Variants in UFD1 observed in about 807,000 individuals in gnomAD.
UFD1 encodes the protein ubiquitin recognition factor in ER-associated degradation protein 1.
In UFD1, 13 loss-of-function variants were observed where a neutral mutation model predicts 45.9. That is an observed-to-expected ratio of 0.28 (90% CI 0.18 to 0.45). The LOEUF (loss-of-function observed/expected upper bound fraction) is 0.45, where lower values mean the gene tolerates loss of function less well. Among genes scored for constraint, UFD1 ranks in the 20% least tolerant of loss-of-function variants. The pLI is 1.00. For synonymous variants in UFD1, 128 were observed against 139.2 expected (o/e 0.92, Z 0.56); for missense variants, 218 against 389.2 (o/e 0.56, Z 3.70).
intron 11 of UFD1, chr22:19,453,064 T>C: frequency 2.0e-6 from 2 of 985,450 alleles, no homozygotes; most frequent in Non-Finnish European, 2.4e-6. Flanking sequence ...TGGAAAGCTT[T>C]CTGACTGTGG....
At chr22:19,456,117 C>G (rs148375562) in intron 9 of UFD1, among the ~76,000 whole-genome samples, 1 of 152,346 alleles carries the variant, frequency 6.6e-6, no homozygotes, top group African/African-American at 2.4e-5. Flanking sequence ...ATTCTGCCCT[C>G]TCTGCTGCTT....
rs535936217 is a variant in UFD1 at position 19,476,513 on chromosome 22, G to A, written c.4-911C>T. Among the ~76,000 whole-genome samples, 6 of 152,074 alleles carry A rather than the reference G, an allele frequency of 3.9e-5. No individual in the cohort carries two copies. The East Asian group carries it at 5.8e-4, about 15-fold the overall frequency. Reference sequence around the variant, plus strand: ...TCCTAGATCTTAAACTGTAGACTAAGATGAGGCTTAGCAAACATGTATCAA... The same window carrying A: ...TCCTAGATCTTAAACTGTAGACTAAAATGAGGCTTAGCAAACATGTATCAA... On this transcript the variant is annotated intron_variant, in intron 1 of 11. Transcript: ENST00000263202.
At chr22:19,465,450 T>C in intron 5 of UFD1, 176 bp from the exon 6 acceptor site, 2 of 565,012 alleles carry the variant, frequency 3.5e-6, no homozygotes, top group Non-Finnish European at 6.3e-6. Flanking sequence ...ACTCCTAATA[T>C]GCAATAATAT....
chr22:19,451,972 T>C, intron 11 of UFD1: 1 of 982,684 alleles, frequency 1.0e-6, no homozygotes. Context: ...ATTCCTTCAT[T>C]TTAGTGAGGA....
At chr22:19,478,984 G>C (rs1158078643) in intron 1 of UFD1, 99 bp downstream of exon 1, 6 of 1,483,438 alleles carry the variant, frequency 4.0e-6, no homozygotes, top group Admixed American at 2.3e-5. Context: ...CGGGTGACTC[G>C]GCACCTCCGC....
chr22:19,475,694 A>C (rs2089876502), intron 1 of UFD1, 92 bp from the exon 2 acceptor site: 1 of 1,417,834 alleles, frequency 7.1e-7, no homozygotes, highest in African/African-American at 1.4e-5. Flanking sequence ...ATGCTACTAA[A>C]CATTGTCAGA....
intron 1 of UFD1, among the ~76,000 whole-genome samples, chr22:19,476,734 C>T (rs1045929179): frequency 2.0e-5 from 3 of 152,090 alleles, no homozygotes; most frequent in Admixed American, 6.5e-5. Flanking sequence ...AGGCTGGGTG[C>T]GGTGGCTCAC....
At chr22:19,469,638 C>T (rs1055747648) in intron 4 of UFD1, among the ~76,000 whole-genome samples, 1 of 152,240 alleles carries the variant, frequency 6.6e-6, no homozygotes, top group Non-Finnish European at 1.5e-5. Flanking sequence ...CTATTCCAGG[C>T]TGGCTCGCCC....
chr22:19,454,390 G>A (rs2089706338), intron 11 of UFD1: 1 of 915,140 alleles, frequency 1.1e-6, no homozygotes, highest in Non-Finnish European at 1.3e-6. Flanking sequence ...TCGGTGGGAG[G>A]TAACTGAGTC....
chr22:19,473,160 T>C (rs939862447), intron 3 of UFD1, among the ~76,000 whole-genome samples: 11 of 152,168 alleles, frequency 7.2e-5, no homozygotes, highest in Non-Finnish European at 1.3e-4. Flanking sequence ...GGAGCTGACA[T>C]ACAGCTGGTC....
At chr22:19,468,073 C>T in intron 4 of UFD1, 70 bp from the exon 5 acceptor site, 5 of 1,585,012 alleles carry the variant, frequency 3.2e-6, no homozygotes, top group Non-Finnish European at 3.4e-6. Flanking sequence ...GCTCCCTATA[C>T]ACTGGGCAGG....
At chr22:19,465,526 A>G in intron 5 of UFD1, 1 of 459,920 alleles carries the variant, frequency 2.2e-6, no homozygotes, top group Non-Finnish European at 4.0e-6. Context: ...CAACCACAAA[A>G]GGGCAGTGAG....
intron 4 of UFD1, among the ~76,000 whole-genome samples, chr22:19,470,449 T>G (rs1432576875): frequency 6.6e-6 from 1 of 150,588 alleles, no homozygotes; most frequent in African/African-American, 2.4e-5. Flanking sequence ...TTATTGTTGT[T>G]TTTTTTTTTT....
intron 6 of UFD1, among the ~76,000 whole-genome samples, chr22:19,462,229 G>T (rs917055757): frequency 2.0e-5 from 3 of 151,986 alleles, no homozygotes; most frequent in Admixed American, 6.6e-5. Flanking sequence ...CAAACTCCTG[G>T]ACTTAAGTGA....
intron 4 of UFD1, chr22:19,471,058 C>A: frequency 2.4e-6 from 1 of 415,160 alleles, no homozygotes. Flanking sequence ...CTGTGTGGAA[C>A]TCTCACTGCT....
In UFD1 at chr22:19,470,878, A is replaced by C. The variant is rs2089839768; in HGVS notation, c.291+809T>G. On this transcript the variant is annotated intron_variant, in intron 4 of 11. Transcript: ENST00000263202. ...ACCACCTCCCTGGTGGCAGCCAAGC[A>C]AGCACTCCTGAGAGTTTCCAGCCCA... The C allele has an allele frequency of 3.1e-5, 14 of 454,300 alleles. No homozygotes were observed. The Admixed American group carries it at 3.3e-4, about 11-fold the overall frequency. 28.1% of individuals were successfully genotyped at this position (454,300 alleles called of 1,614,324 possible). A position where few individuals can be genotyped will look rare whatever the true frequency, so the allele number is the denominator to read the frequency against.
At chr22:19,478,432 C>T (rs574659874) in intron 1 of UFD1, among the ~76,000 whole-genome samples, 92 of 152,308 alleles carry the variant, frequency 6.0e-4, no homozygotes, top group African/African-American at 2.1e-3. Context: ...GAATAAAGTA[C>T]CTCTGTAAAC....
chr22:19,475,492 T>C lies in UFD1; in HGVS notation c.114A>G (p.Ser38=). Reference sequence around the variant, plus strand: ...TACTCTTCCCTCCTTTCTCCACATCTGACCTGTCATTAGGCCCTGCTAGCA... The same window carrying C: ...TACTCTTCCCTCCTTTCTCCACATCCGACCTGTCATTAGGCCCTGCTAGCA... ...VSMLAGPNDR[S]DVEKGGKIIM... is the part of the protein sequence containing the mutation. The change falls in exon 2 of 12, where the codon TCA becomes TCG. Residue 38 remains serine, a synonymous_variant. Coordinates refer to ENST00000263202, the MANE Select transcript of UFD1 (RefSeq NM_005659.7). 6.2e-7 allele frequency: 1 copy of C among 1,614,052 alleles called. No individual in the cohort carries two copies. The highest frequency in any genetic ancestry group is 1.1e-5 in the South Asian group (1 of 91,076).
rs553506914 is a variant in UFD1, at chr22:19,451,672, T to C, written c.850-928A>G. On this transcript the variant is annotated intron_variant, in intron 11 of 11. Coordinates refer to ENST00000263202, the MANE Select transcript of UFD1 (RefSeq NM_005659.7). ...TAACTGTAGCATGTTATACCTGCAA[T>C]AGAGCACTGTTTAGTATTTATGTGG... 4 of 985,504 alleles carry C rather than the reference T, an allele frequency of 4.1e-6. No individual in the cohort carries two copies. The African/African-American group carries it at 5.2e-5, about 13-fold the overall frequency. 61.0% of individuals were successfully genotyped at this position (985,504 alleles called of 1,614,324 possible). A position where few individuals can be genotyped will look rare whatever the true frequency, so the allele number is the denominator to read the frequency against.
Sources: allele counts gnomAD v4.1 joint callset (sites outside exome capture counted in the v4.1 genomes callset), GRCh38; gene constraint gnomAD v4.1.1; transcripts MANE v1.5; gene names NCBI Gene and HGNC (gene_info 2026-07-23, HGNC 2026-07-21).